PEDS1: variants seen among roughly 807,000 people sequenced by gnomAD.
The protein encoded by PEDS1 is plasmanylethanolamine desaturase 1.
A neutral mutation model predicts 35.2 loss-of-function variants in PEDS1; 14 were observed. The observed-to-expected ratio is 0.40, with a 90% CI of 0.26 to 0.62. PEDS1 has a LOEUF of 0.62. Among genes scored for constraint, PEDS1 ranks in the 20% least tolerant of loss-of-function variants. The pLI, the probability that PEDS1 is intolerant of heterozygous loss-of-function variation, is 0.44. For missense variants in PEDS1, 260 were observed against 367.8 expected (o/e 0.71, Z 2.40); for synonymous variants, 152 against 152.0 (o/e 1.00, Z 0.00).
chr20:50,150,391 G>A (rs2081390646), intron 1 of PEDS1, among the ~76,000 whole-genome samples: 1 of 152,088 alleles, frequency 6.6e-6, no homozygotes, highest in African/African-American at 2.4e-5. Flanking sequence ...AACATGCCTG[G>A]CAAGCTCCCA....
chr20:50,143,383 G>T, intron 2 of PEDS1, 119 bp downstream of exon 2: 1 of 1,477,086 alleles, frequency 6.8e-7, no homozygotes, highest in Non-Finnish European at 9.1e-7. Context: ...GGTACTCAAG[G>T]CACATACTGG....
rs540142945 is a variant in PEDS1, at chr20:50,129,293, A to G, written c.478+253T>C. 6.6e-5 allele frequency among the ~76,000 whole-genome samples: 10 copies of G among 152,300 alleles called. No individual in the cohort carries two copies. In the East Asian group the frequency reaches 1.5e-3, roughly 23 times the overall value. On this transcript the variant is annotated intron_variant, in intron 4 of 5. Coordinates refer to ENST00000371652, the MANE Select transcript of PEDS1 (RefSeq NM_199129.4). The surrounding 1 kb of genome is among the most constrained non-coding windows in gnomAD (Gnocchi z 4.2). Reference sequence around the variant, plus strand: ...TGGAAAGACGCGTCCTGTCAAAGGCAGTGGCTGCAGCTCAGCTCCCACCCA... The same window carrying G: ...TGGAAAGACGCGTCCTGTCAAAGGCGGTGGCTGCAGCTCAGCTCCCACCCA...
chr20:50,146,046 T>C (rs2081342331), intron 1 of PEDS1, among the ~76,000 whole-genome samples: 1 of 152,080 alleles, frequency 6.6e-6, no homozygotes, highest in Admixed American at 6.5e-5. Context: ...CTATTCCCCA[T>C]CACCCTATCA....
chr20:50,153,480 G>A, intron 1 of PEDS1, 37 bp downstream of exon 1: 1 of 1,309,482 alleles, frequency 7.6e-7, no homozygotes. Flanking sequence ...GCCGGGGCTG[G>A]TGACCGCAGG....
chr20:50,145,855 G>A (rs1196271966), intron 1 of PEDS1, among the ~76,000 whole-genome samples: 1 of 152,124 alleles, frequency 6.6e-6, no homozygotes, highest in Admixed American at 6.5e-5. Flanking sequence ...TACATATCAG[G>A]CGCCTGCTGA....
chr20:50,125,358 A>C (rs572850506), intron 5 of PEDS1, among the ~76,000 whole-genome samples, 179 bp from the exon 6 acceptor site: 1 of 152,258 alleles, frequency 6.6e-6, no homozygotes, highest in South Asian at 2.1e-4. Context: ...GCCTGGGGCC[A>C]CTCAGGCCTC....
At chr20:50,148,176 C>T (rs553450121) in intron 1 of PEDS1, among the ~76,000 whole-genome samples, 2 of 152,334 alleles carry the variant, frequency 1.3e-5, no homozygotes, top group Non-Finnish European at 2.9e-5. Flanking sequence ...TCTCAGCACC[C>T]CTCACCACCT....
At chr20:50,141,344 A>G (rs2147293324) in intron 2 of PEDS1, among the ~76,000 whole-genome samples, 1 of 152,372 alleles carries the variant, frequency 6.6e-6, no homozygotes, top group South Asian at 2.1e-4. Context: ...GGCTTGGCAC[A>G]TAGTAGGTGC....
At position 50,153,626 on chromosome 20, in the gene PEDS1, G is replaced by A. The variant is rs764774261; in HGVS notation, c.12C>T (p.Ala4=). The stretch of plus-strand genomic sequence containing the variant: ...CCAGCTGCTGGCCCGGCCAGTTCTC[G>A]GCGCCCGCCATGGCCACTCGCCCGA... The part of the protein sequence containing the change: MAG[A]ENWPGQQLEL... Residue 4 remains alanine (A), a synonymous_variant, in exon 1 of 6, where the codon GCC becomes GCT. Coordinates refer to ENST00000371652, the MANE Select transcript of PEDS1 (RefSeq NM_199129.4). The A allele has an allele frequency of 5.5e-6, 7 of 1,271,884 alleles. No individual in the cohort carries two copies. Among genetic ancestry groups the A allele is most frequent in the African/African-American group, 4.6e-5 (3 of 64,676 alleles). The allele number at this position is 1,271,884 out of a possible 1,614,324, so 78.8% of individuals were successfully genotyped here.
rs1601240054 is a variant in PEDS1 at position 50,153,655 on chromosome 20, G to T, written c.-18C>A. On this transcript the variant is annotated 5_prime_UTR_variant, in exon 1 of 6. Coordinates refer to ENST00000371652, the MANE Select transcript of PEDS1 (RefSeq NM_199129.4). ...CCCGCCATGGCCACTCGCCCGATCG[G>T]CCCGGTGCGCTCTGCTGGCGGCGGC... 2.4e-6 allele frequency: 3 copies of T among 1,225,312 alleles called. No individual in the cohort carries two copies. The highest frequency in any genetic ancestry group is 3.9e-5 in the South Asian group (1 of 25,368). The allele number at this position is 1,225,312 out of a possible 1,614,324, so 75.9% of individuals were successfully genotyped here.
At position 50,128,794 on chromosome 20, in the gene PEDS1, C is replaced by T. The variant is rs145988947; in HGVS notation, c.479-607G>A. On this transcript the variant is annotated intron_variant, in intron 4 of 5. Transcript: ENST00000371652. The surrounding 1 kb of genome is among the most constrained non-coding windows in gnomAD (Gnocchi z 5.2). ...CACTCAGAGGCAAAGGGACTAGCGT[C>T]GGAGGCGTTTCAGTCACTGGCTCCA... is the stretch of plus-strand genomic sequence containing the variant. Among the ~76,000 whole-genome samples, 662 of 152,308 alleles carry T rather than the reference C, an allele frequency of 4.3e-3. 6 individuals are homozygous for T. The highest frequency in any genetic ancestry group is 0.015 in the African/African-American group (628 of 41,558).
intron 5 of PEDS1, 132 bp from the exon 6 acceptor site, chr20:50,125,311 G>A (rs1035636209): frequency 1.7e-5 from 21 of 1,258,416 alleles, no homozygotes; most frequent in Middle Eastern, 2.4e-4. Flanking sequence ...CACAGGGACC[G>A]GCCAAGGAAC....
At position 50,127,971 on chromosome 20, in the gene PEDS1, G is replaced by A. The variant is rs373904292; in HGVS notation, c.691+4C>T. 7.1e-5 allele frequency: 114 copies of A among 1,613,028 alleles called. No individual in the cohort carries two copies. In the African/African-American group the frequency reaches 8.4e-4, roughly 12 times the overall value. On this transcript the variant is annotated splice_donor_region_variant and intron_variant, in intron 5 of 5. Coordinates refer to ENST00000371652, the MANE Select transcript of PEDS1 (RefSeq NM_199129.4). ...AGCCCATTCCACGCCACTGGTGGCC[G>A]CACCTGTGGTGATGCAGAAGTAGGT...
intron 2 of PEDS1, among the ~76,000 whole-genome samples, chr20:50,139,657 C>T (rs559290600): frequency 1.3e-5 from 2 of 151,072 alleles, no homozygotes; most frequent in East Asian, 3.9e-4. Context: ...CATCTTGACA[C>T]AGATGACCCC....
At position 50,129,702 on chromosome 20, in the gene PEDS1, G is replaced by C. The variant is rs750774323; in HGVS notation, c.334-12C>G. 3 of 1,613,604 alleles carry C rather than the reference G, an allele frequency of 1.9e-6. No individual in the cohort carries two copies. The highest frequency in any genetic ancestry group is 1.1e-5 in the South Asian group (1 of 91,058). ...GGTCGGATGAAAGCCTGGAGTTGAG[G>C]GGGACACAGCCCCAGCAGTCAGCCT... On this transcript the variant is annotated splice_polypyrimidine_tract_variant and intron_variant, in intron 3 of 5. Transcript: ENST00000371652. The surrounding 1 kb of genome is among the most constrained non-coding windows in gnomAD (Gnocchi z 4.2).
At chr20:50,151,298 T>C in intron 1 of PEDS1, 4 of 1,304,284 alleles carry the variant, frequency 3.1e-6, no homozygotes, top group Non-Finnish European at 4.0e-6. Context: ...ATGGCTGTTC[T>C]TCAGAGAGTG....
intron 1 of PEDS1, among the ~76,000 whole-genome samples, chr20:50,151,699 A>G (rs1209393187): frequency 6.6e-6 from 1 of 152,154 alleles, no homozygotes; most frequent in Non-Finnish European, 1.5e-5. Context: ...CTCTACTGAA[A>G]ATACAGAAAA....
chr20:50,153,659 G>C lies in PEDS1; in HGVS notation c.-22C>G. 1 of 1,222,810 alleles carries C rather than the reference G, an allele frequency of 8.2e-7. No homozygotes were observed. 75.7% of individuals were successfully genotyped at this position (1,222,810 alleles called of 1,614,324 possible). ...CCATGGCCACTCGCCCGATCGGCCC[G>C]GTGCGCTCTGCTGGCGGCGGCGGCG... is the stretch of plus-strand genomic sequence containing the variant. On this transcript the variant is annotated 5_prime_UTR_variant, in exon 1 of 6. Transcript: ENST00000371652.
chr20:50,150,949 G>A (rs964935413), intron 1 of PEDS1, among the ~76,000 whole-genome samples: 6 of 152,094 alleles, frequency 3.9e-5, no homozygotes, highest in Non-Finnish European at 7.4e-5. Flanking sequence ...ACCCACCTCG[G>A]CCTCCCAAAG....
Sources: allele counts gnomAD v4.1 joint callset (sites outside exome capture counted in the v4.1 genomes callset), GRCh38; gene constraint gnomAD v4.1.1; non-coding constraint Gnocchi (gnomAD v3.1); transcripts MANE v1.5; gene names NCBI Gene and HGNC (gene_info 2026-07-23, HGNC 2026-07-21).